Variants in KLRF1 observed in about 807,000 individuals in gnomAD.
KLRF1 encodes the protein killer cell lectin like receptor F1, also known as killer cell lectin-like receptor subfamily F member 1.
Under a neutral mutation model 30.7 loss-of-function variants are expected in KLRF1, and 27 were observed. The observed-to-expected ratio is 0.88, with a 90% CI of 0.65 to 1.21. KLRF1 has a LOEUF of 1.21. Among genes scored for constraint, KLRF1 ranks in the 50% most tolerant of loss-of-function variants. The probability of loss-of-function intolerance (pLI) is 0.00; values close to 1 mark genes in which losing one functional copy is unlikely to be tolerated. For missense variants in KLRF1, 246 were observed against 259.3 expected (o/e 0.95, Z 0.35); for synonymous variants, 92 against 89.3 (o/e 1.03, Z -0.17).
chr12:9,817,596 G>A, the KLRF1 span: 2 of 302,262 alleles, frequency 6.6e-6, no homozygotes, highest in East Asian at 1.2e-4. Context: ...GGCCACACCG[G>A]GTTTCTTCTT....
intron 5 of KLRF1, among the ~76,000 whole-genome samples, chr12:9,842,752 A>AT (rs951563474): frequency 6.6e-6 from 1 of 152,068 alleles, no homozygotes; most frequent in African/African-American, 2.4e-5. Flanking sequence ...ACCAATGTGC[A>AT]TTTTTTGTGT....
At chr12:9,826,141 GGGA>G (rs1867279152), upstream of KLRF1, among the ~76,000 whole-genome samples, 1 of 151,908 alleles carries the variant, frequency 6.6e-6, no homozygotes, top group African/African-American at 2.4e-5. Flanking sequence ...TTTTAAATTT[GGGA>G]GTACATGTGC....
the KLRF1 span, among the ~76,000 whole-genome samples, chr12:9,815,733 A>G: frequency 6.6e-6 from 1 of 152,210 alleles, no homozygotes; most frequent in Non-Finnish European, 1.5e-5. Context: ...CCTGGCTTCC[A>G]GGCATAGTCC....
the KLRF1 span, among the ~76,000 whole-genome samples, chr12:9,803,440 T>A: frequency 6.6e-6 from 1 of 152,034 alleles, no homozygotes. Flanking sequence ...AAAAGTTCAG[T>A]TTATTAATCC....
the KLRF1 span, among the ~76,000 whole-genome samples, chr12:9,804,345 A>G: frequency 6.6e-6 from 1 of 151,982 alleles, no homozygotes; most frequent in Non-Finnish European, 1.5e-5. Context: ...CAAGTCCTCC[A>G]TCAGATATAT....
intron 3 of KLRF1, among the ~76,000 whole-genome samples, chr12:9,840,742 G>T (rs780435257): frequency 6.6e-6 from 1 of 151,930 alleles, no homozygotes; most frequent in South Asian, 2.1e-4. Flanking sequence ...TGATGTTAAC[G>T]ACGATGAGGT....
At chr12:9,840,972 T>A (rs1867688461) in intron 3 of KLRF1, among the ~76,000 whole-genome samples, 1 of 152,122 alleles carries the variant, frequency 6.6e-6, no homozygotes, top group Non-Finnish European at 1.5e-5. Flanking sequence ...GGAACGTAAA[T>A]CATTCTATTA....
the KLRF1 span, among the ~76,000 whole-genome samples, chr12:9,819,179 T>A: frequency 6.6e-6 from 1 of 152,052 alleles, no homozygotes; most frequent in Non-Finnish European, 1.5e-5. Context: ...AAGAGTAGCC[T>A]CTCAGGCACA....
chr12:9,810,245 C>T, the KLRF1 span, among the ~76,000 whole-genome samples: 1 of 152,170 alleles, frequency 6.6e-6, no homozygotes, highest in Non-Finnish European at 1.5e-5. Context: ...TCTGAATCCT[C>T]CCAAATTAAC....
intron 2 of KLRF1, 139 bp downstream of exon 2, chr12:9,832,553 TAGTACACTCC>T: frequency 1.7e-6 from 1 of 603,602 alleles, no homozygotes; most frequent in South Asian, 2.1e-5. Flanking sequence ...AAAGCTCTAT[TAGTACACTCC>T]ACAGTGCTAT....
chr12:9,837,715 G>A (rs16907767), intron 3 of KLRF1, among the ~76,000 whole-genome samples: 7 of 152,156 alleles, frequency 4.6e-5, no homozygotes, highest in South Asian at 2.1e-4. Context: ...TACAAACATC[G>A]TTTGGTAGCC....
Position 9,841,970 on chromosome 12 carries a change from G to C in KLRF1, c.474+19G>C. On this transcript the variant is annotated intron_variant, in intron 4 of 5. Transcript: ENST00000617889. ...TGAAATGGTAATTGGTCTAGTATCAGGGTTATGGCATCTTTGCAGTAAAAA... is the reference window on the plus strand; with the variant it reads ...TGAAATGGTAATTGGTCTAGTATCACGGTTATGGCATCTTTGCAGTAAAAA... 1 of 1,591,460 alleles carries C rather than the reference G, an allele frequency of 6.3e-7. No individual in the cohort carries two copies. The highest frequency in any genetic ancestry group is 1.8e-5 in the Admixed American group (1 of 54,668).
At chr12:9,830,144 G>C (rs1867378015) in intron 1 of KLRF1, among the ~76,000 whole-genome samples, 2 of 152,052 alleles carry the variant, frequency 1.3e-5, no homozygotes, top group African/African-American at 4.8e-5. Context: ...TCGAGTTTCT[G>C]TCTAGTTTTC....
chr12:9,817,091 A>C, the KLRF1 span, among the ~76,000 whole-genome samples: 1 of 151,786 alleles, frequency 6.6e-6, no homozygotes, highest in Non-Finnish European at 1.5e-5. Context: ...CTGAAGTAAG[A>C]CCCAAGGTAG....
chr12:9,833,330 A>G lies in KLRF1; in HGVS notation c.212A>G (p.Gln71Arg). Residue 71 changes from glutamine (Q) to arginine (R), a missense_variant, in exon 3 of 6, where the codon CAA becomes CGA. Transcript: ENST00000617889. ...LVSQGVLLKC[Q>R]KGSCSNATQY... ...TCTCAGGGAGTATTGCTAAAATGCC[A>G]AAAAGGAAGTTGTTCAAATGCCACT... 6.2e-7 allele frequency: 1 copy of G among 1,604,108 alleles called. No homozygotes were observed. The highest frequency in any genetic ancestry group is 8.5e-7 in the Non-Finnish European group (1 of 1,176,040).
At chr12:9,813,854 C>T in the KLRF1 span, among the ~76,000 whole-genome samples, 1 of 152,044 alleles carries the variant, frequency 6.6e-6, no homozygotes, top group Non-Finnish European at 1.5e-5. Flanking sequence ...CTGGGGGCCC[C>T]GAGACTAGGA....
At chr12:9,804,725 G>T in the KLRF1 span, among the ~76,000 whole-genome samples, 1 of 152,032 alleles carries the variant, frequency 6.6e-6, no homozygotes, top group Admixed American at 6.6e-5. Flanking sequence ...TGATCTTATA[G>T]GGAAAGCCTC....
At chr12:9,816,346 C>T in the KLRF1 span, among the ~76,000 whole-genome samples, 2 of 152,180 alleles carry the variant, frequency 1.3e-5, no homozygotes, top group Non-Finnish European at 2.9e-5. Context: ...AATCTGAATC[C>T]TAACTCTATG....
the KLRF1 span, among the ~76,000 whole-genome samples, chr12:9,820,158 C>G: frequency 3.7e-4 from 56 of 150,984 alleles, no homozygotes; most frequent in African/African-American, 1.3e-3. Context: ...TGTGTTTGGG[C>G]CAGCAACATG....
Sources: allele counts gnomAD v4.1 joint callset (sites outside exome capture counted in the v4.1 genomes callset), GRCh38; gene constraint gnomAD v4.1.1; transcripts MANE v1.5; gene names NCBI Gene and HGNC (gene_info 2026-07-23, HGNC 2026-07-21).